Variants in GJB7 observed in about 807,000 individuals in gnomAD.
The protein encoded by GJB7 is gap junction beta-7 protein.
For synonymous variants in GJB7, 87 were observed against 95.2 expected (o/e 0.91, Z 0.50); for missense variants, 253 against 256.8 (o/e 0.99, Z 0.10).
At chr6:87,306,701 T>C (rs900647548) in intron 2 of GJB7, among the ~76,000 whole-genome samples, 2 of 152,160 alleles carry the variant, frequency 1.3e-5, no homozygotes, top group African/African-American at 4.8e-5. Context: ...CTATAAATCA[T>C]GCTGCTATAA....
In GJB7 at chr6:87,289,060, G is replaced by A. The variant is rs920890408; in HGVS notation, c.-27-4121C>T. Among the ~76,000 whole-genome samples the A allele has an allele frequency of 1.3e-5, 2 of 152,142 alleles. 1 individual carries two copies. Among genetic ancestry groups the A allele is most frequent in the Non-Finnish European group, 2.9e-5 (2 of 68,024 alleles). Reference sequence around the variant, plus strand: ...GGACAACAATAGCCTGTGTAGTGGTGCCCATGCCTGCATCTCCAACCTTGT... The same window carrying A: ...GGACAACAATAGCCTGTGTAGTGGTACCCATGCCTGCATCTCCAACCTTGT... On this transcript the variant is annotated intron_variant, in intron 2 of 2. Coordinates refer to ENST00000525899, the MANE Select transcript of GJB7 (RefSeq NM_198568.3).
intron 2 of GJB7, among the ~76,000 whole-genome samples, chr6:87,304,222 A>G (rs1403911039): frequency 6.6e-6 from 1 of 152,170 alleles, no homozygotes; most frequent in Non-Finnish European, 1.5e-5. Context: ...CCCTTCAAAA[A>G]ATCAATGAAT....
At chr6:87,297,781 G>GT (rs1222270910) in intron 2 of GJB7, among the ~76,000 whole-genome samples, 1 of 152,216 alleles carries the variant, frequency 6.6e-6, no homozygotes, top group Non-Finnish European at 1.5e-5. Flanking sequence ...TGAGCACTGA[G>GT]TTAGTGGTGC....
intron 2 of GJB7, among the ~76,000 whole-genome samples, chr6:87,291,582 T>C (rs917436604): frequency 1.3e-5 from 2 of 152,192 alleles, no homozygotes; most frequent in African/African-American, 2.4e-5. Context: ...CCTCACACTT[T>C]TTGCTCAGGC....
intron 2 of GJB7, among the ~76,000 whole-genome samples, chr6:87,290,289 C>G (rs1272772147): frequency 1.3e-5 from 2 of 152,184 alleles, no homozygotes; most frequent in Admixed American, 6.5e-5. Context: ...GCTGGATTCT[C>G]TGGTACATTC....
chr6:87,324,606 T>G (rs1422654481), intron 1 of GJB7, among the ~76,000 whole-genome samples: 1 of 150,644 alleles, frequency 6.6e-6, no homozygotes. Flanking sequence ...TTCTGAGGGC[T>G]CTGTTCTATT....
intron 1 of GJB7, among the ~76,000 whole-genome samples, chr6:87,328,422 G>T (rs941221960): frequency 6.6e-6 from 1 of 152,020 alleles, no homozygotes; most frequent in Non-Finnish European, 1.5e-5. Flanking sequence ...ATGTACAGAT[G>T]GGTTTTTGGT....
At chr6:87,287,243 G>A (rs1200076354) in intron 2 of GJB7, among the ~76,000 whole-genome samples, 1 of 152,134 alleles carries the variant, frequency 6.6e-6, no homozygotes, top group Non-Finnish European at 1.5e-5. Flanking sequence ...TGCCTTTTCA[G>A]GTCCTGTTTC....
chr6:87,299,358 TG>T, intron 2 of GJB7: 1 of 488,998 alleles, frequency 2.0e-6, no homozygotes. Context: ...CAGTAAAGGA[TG>T]GAAAAACACT....
intron 1 of GJB7, among the ~76,000 whole-genome samples, chr6:87,323,266 T>C (rs1211526690): frequency 1.3e-5 from 2 of 151,824 alleles, no homozygotes; most frequent in African/African-American, 4.8e-5. Context: ...TTTTGTTTTG[T>C]TTTGTTTATT....
intron 2 of GJB7, among the ~76,000 whole-genome samples, chr6:87,310,076 A>G (rs1776494057): frequency 6.6e-6 from 1 of 152,176 alleles, no homozygotes; most frequent in Admixed American, 6.5e-5. Flanking sequence ...TTTTCAATAA[A>G]CAATGCTGGG....
At chr6:87,294,566 A>G (rs1001433996) in intron 2 of GJB7, among the ~76,000 whole-genome samples, 6 of 152,224 alleles carry the variant, frequency 3.9e-5, no homozygotes, top group African/African-American at 1.4e-4. Flanking sequence ...CTTGACCTTT[A>G]TTTCTCAGCA....
At position 87,283,955 on chromosome 6, in the gene GJB7, C is replaced by G. The variant is rs978712073; in HGVS notation, c.*286G>C. The stretch of plus-strand genomic sequence containing the variant: ...TAATGTTATCCACATACTGGAGAAC[C>G]CTACAACAAAACAATGAGACCTCTG... On this transcript the variant is annotated 3_prime_UTR_variant, in exon 3 of 3. Transcript: ENST00000525899. 9 of 316,514 alleles carry G rather than the reference C, an allele frequency of 2.8e-5. No homozygotes were observed. The highest frequency in any genetic ancestry group is 5.3e-5 in the Non-Finnish European group (9 of 171,106). The allele number at this position is 316,514 out of a possible 1,614,324, so 19.6% of individuals were successfully genotyped here.
chr6:87,324,692 G>T (rs1385287014), intron 1 of GJB7, among the ~76,000 whole-genome samples: 2 of 151,698 alleles, frequency 1.3e-5, no homozygotes, highest in East Asian at 3.9e-4. Context: ...ATACTTTGAA[G>T]TCAGGTAGTG....
At chr6:87,296,533 G>A (rs1313552867) in intron 2 of GJB7, among the ~76,000 whole-genome samples, 5 of 152,182 alleles carry the variant, frequency 3.3e-5, no homozygotes, top group African/African-American at 7.2e-5. Context: ...CTCAGGAATT[G>A]TTGCCCTAAT....
rs12216507 is a variant in GJB7 at position 87,286,079 on chromosome 6, A to T, written c.-27-1140T>A. ...TCGTTTTTGTTGTCCACCTCTTAAG[A>T]ATTCTGTCCTTTGCTCTTTTCTTAC... On this transcript the variant is annotated intron_variant, in intron 2 of 2. Coordinates refer to ENST00000525899, the MANE Select transcript of GJB7 (RefSeq NM_198568.3). Among the ~76,000 whole-genome samples, 882 of 152,068 alleles carry T rather than the reference A, an allele frequency of 5.8e-3. 4 individuals are homozygous for T. Among genetic ancestry groups the T allele is most frequent in the Non-Finnish European group, 8.0e-3 (546 of 67,982 alleles).
chr6:87,289,183 T>C (rs1369528080), intron 2 of GJB7, among the ~76,000 whole-genome samples: 1 of 152,192 alleles, frequency 6.6e-6, no homozygotes. Flanking sequence ...CTTCCTGCAA[T>C]ACTCTGGTCC....
At chr6:87,291,002 T>C (rs2127898933) in intron 2 of GJB7, among the ~76,000 whole-genome samples, 1 of 152,144 alleles carries the variant, frequency 6.6e-6, no homozygotes, top group South Asian at 2.1e-4. Context: ...CCACGATGGG[T>C]AGATGTACAG....
chr6:87,289,271 G>T (rs941930189), intron 2 of GJB7, among the ~76,000 whole-genome samples: 1 of 152,072 alleles, frequency 6.6e-6, no homozygotes, highest in Non-Finnish European at 1.5e-5. Context: ...TGTTCATTAT[G>T]TTGGCTTTTT....
Sources: gnomAD v4.1 joint callset for allele counts (sites outside exome capture counted in the v4.1 genomes callset) on GRCh38, gnomAD v4.1.1 for gene constraint, MANE v1.5 for transcripts, NCBI Gene and HGNC (gene_info 2026-07-23, HGNC 2026-07-21) for gene names.